SLC44A5: variants seen among roughly 807,000 people sequenced by gnomAD.
SLC44A5 encodes the protein choline transporter-like protein 5.
In SLC44A5, 57 loss-of-function variants were observed where a neutral mutation model predicts 101.8. The ratio of observed to expected loss-of-function variants is 0.56; its 90% confidence interval spans 0.45 to 0.70. The LOEUF (loss-of-function observed/expected upper bound fraction) is 0.70, where lower values mean the gene tolerates loss of function less well. Ranked by LOEUF, SLC44A5 falls within the 30% of genes least tolerant of loss-of-function variation. SLC44A5 has a pLI of 0.00. For synonymous variants in SLC44A5, 281 were observed against 290.9 expected (o/e 0.97, Z 0.35); for missense variants, 737 against 853.1 (o/e 0.86, Z 1.70).
At chr1:75,361,199 T>C (rs1476323374) in intron 3 of SLC44A5, among the ~76,000 whole-genome samples, 1 of 152,146 alleles carries the variant, frequency 6.6e-6, no homozygotes. Context: ...TTAACAGTTT[T>C]TTGGTGGAAT....
chr1:75,657,077 A>G, the SLC44A5 span, among the ~76,000 whole-genome samples: 1 of 152,168 alleles, frequency 6.6e-6, no homozygotes, highest in African/African-American at 2.4e-5. Context: ...TGTGTCCAGG[A>G]GGTGTAGGTT....
At chr1:75,596,051 A>G (rs1380366750) in intron 1 of SLC44A5, among the ~76,000 whole-genome samples, 1 of 152,184 alleles carries the variant, frequency 6.6e-6, no homozygotes, top group Non-Finnish European at 1.5e-5. Context: ...CTAATATCAA[A>G]TCTTCTAATA....
chr1:75,552,393 C>T (rs1425440450), intron 1 of SLC44A5, among the ~76,000 whole-genome samples: 1 of 151,930 alleles, frequency 6.6e-6, no homozygotes, highest in Non-Finnish European at 1.5e-5. Flanking sequence ...CCCATTTTTA[C>T]AATAAAGAAA....
At chr1:75,502,555 T>A (rs2101843586) in intron 2 of SLC44A5, among the ~76,000 whole-genome samples, 1 of 149,652 alleles carries the variant, frequency 6.7e-6, no homozygotes, top group Admixed American at 6.6e-5. Context: ...TTTATTTGTT[T>A]ATTTTTTTAT....
chr1:75,220,381 C>T (rs1252046552), intron 14 of SLC44A5, among the ~76,000 whole-genome samples: 1 of 152,054 alleles, frequency 6.6e-6, no homozygotes, highest in Non-Finnish European at 1.5e-5. Flanking sequence ...TTAGAAATTT[C>T]TTCATTATCT....
At chr1:75,547,719 C>T (rs965598954) in intron 1 of SLC44A5, among the ~76,000 whole-genome samples, 18 of 152,202 alleles carry the variant, frequency 1.2e-4, no homozygotes, top group Admixed American at 1.2e-3. Context: ...AGGTAAGCTT[C>T]ACCATAGTCT....
In SLC44A5 at chr1:75,368,340, G is replaced by T. The variant is rs372006058; in HGVS notation, c.52+28243C>A. Among the ~76,000 whole-genome samples the T allele has an allele frequency of 2.8e-4, 43 of 152,292 alleles. No individual in the cohort carries two copies. In the South Asian group the frequency reaches 8.7e-3, roughly 31 times the overall value. ...ACAAAATCCACAGACGCTTAAGTCT[G>T]CAGTTGACTCTGCAAAACGCATGAA... On this transcript the variant is annotated intron_variant, in intron 3 of 23. Coordinates refer to ENST00000370859, the MANE Select transcript of SLC44A5 (RefSeq NM_001130058.2).
upstream of SLC44A5, among the ~76,000 whole-genome samples, chr1:75,613,033 T>C (rs1557963399): frequency 6.6e-6 from 1 of 152,206 alleles, no homozygotes; most frequent in Non-Finnish European, 1.5e-5. Flanking sequence ...GATCTTATTC[T>C]TCTATCAATG....
chr1:75,311,072 G>C (rs1376037600), intron 4 of SLC44A5, among the ~76,000 whole-genome samples: 1 of 151,160 alleles, frequency 6.6e-6, no homozygotes, highest in Non-Finnish European at 1.5e-5. Context: ...ATCACAAACT[G>C]TACTAGTCTC....
intron 2 of SLC44A5, chr1:75,402,507 T>G (rs1389454437): frequency 3.1e-6 from 1 of 322,946 alleles, no homozygotes; most frequent in South Asian, 2.5e-5. Context: ...TCATAGGGAC[T>G]GGTTAGACAA....
At chr1:75,293,527 G>A (rs534029521) in intron 5 of SLC44A5, among the ~76,000 whole-genome samples, 1 of 152,066 alleles carries the variant, frequency 6.6e-6, no homozygotes, top group Non-Finnish European at 1.5e-5. Context: ...GGAACAGGCC[G>A]GCCAAATTGT....
chr1:75,553,956 G>A lies in SLC44A5; in HGVS notation c.-69-12440C>T, dbSNP rs536067913. Among the ~76,000 whole-genome samples the A allele has an allele frequency of 3.3e-5, 5 of 152,182 alleles. No individual in the cohort carries two copies. In the East Asian group the frequency reaches 7.7e-4, roughly 24 times the overall value. On this transcript the variant is annotated intron_variant, in intron 1 of 23. Coordinates refer to ENST00000370859, the MANE Select transcript of SLC44A5 (RefSeq NM_001130058.2). ...ACCAGCCTGAAGCAGGGCACTGTCA[G>A]GTTGCTCCCCCATGAAACTGGGCGG...
intron 7 of SLC44A5, among the ~76,000 whole-genome samples, chr1:75,245,239 C>G (rs1649003141): frequency 6.6e-6 from 1 of 152,152 alleles, no homozygotes; most frequent in African/African-American, 2.4e-5. Context: ...CACACGTGTG[C>G]ATGCACACAC....
chr1:75,699,342 A>G, the SLC44A5 span, among the ~76,000 whole-genome samples: 2 of 152,190 alleles, frequency 1.3e-5, no homozygotes, highest in Admixed American at 1.3e-4. Flanking sequence ...ATTGGGGGCC[A>G]ATATTCAACA....
intron 1 of SLC44A5, among the ~76,000 whole-genome samples, chr1:75,555,084 G>A (rs1672145208): frequency 6.6e-6 from 1 of 152,084 alleles, no homozygotes; most frequent in Admixed American, 6.6e-5. Context: ...AAATGTAAAT[G>A]GACTAGACAC....
chr1:75,482,738 A>C (rs1667943384), intron 2 of SLC44A5, among the ~76,000 whole-genome samples: 1 of 152,220 alleles, frequency 6.6e-6, no homozygotes, highest in South Asian at 2.1e-4. Context: ...GAAGATCATA[A>C]AACAAATAAA....
At chr1:75,703,953 T>C in the SLC44A5 span, among the ~76,000 whole-genome samples, 1 of 152,058 alleles carries the variant, frequency 6.6e-6, no homozygotes, top group Admixed American at 6.5e-5. Context: ...TTTGGGACGC[T>C]GAGGCAGAAA....
rs761574090 is a variant in SLC44A5 at position 75,300,563 on chromosome 1, T to C, written c.175+49A>G. The C allele has an allele frequency of 4.9e-6, 6 of 1,229,108 alleles. No homozygotes were observed. In the South Asian group the frequency reaches 8.2e-5, roughly 17 times the overall value. 76.1% of individuals were successfully genotyped at this position (1,229,108 alleles called of 1,614,324 possible). A position where few individuals can be genotyped will look rare whatever the true frequency, so the allele number is the denominator to read the frequency against. On this transcript the variant is annotated intron_variant, in intron 5 of 23. Transcript: ENST00000370859. ...TTTTTTATATGTGACACTGACTTAG[T>C]TATTCCATTAGCAAGTGTTAAATAT...
the SLC44A5 span, among the ~76,000 whole-genome samples, chr1:75,636,696 ATAAC>A: frequency 6.6e-6 from 1 of 152,166 alleles, no homozygotes; most frequent in African/African-American, 2.4e-5. Flanking sequence ...AAAGAAATAA[ATAAC>A]TACAGTATAA....
Sources: allele counts gnomAD v4.1 joint callset (sites outside exome capture counted in the v4.1 genomes callset), GRCh38; gene constraint gnomAD v4.1.1; transcripts MANE v1.5; gene names NCBI Gene and HGNC (gene_info 2026-07-23, HGNC 2026-07-21).